The following CLIC4 variants were observed in gnomAD, a reference collection of about 807,000 sequenced individuals.
CLIC4 encodes the protein CLIC family member 4.
CLIC4 carries 13 observed loss-of-function variants against 24.6 expected under a neutral mutation model. That is an observed-to-expected ratio of 0.53 (90% CI 0.34 to 0.84). The LOEUF (loss-of-function observed/expected upper bound fraction) is 0.84, where lower values mean the gene tolerates loss of function less well. CLIC4 is among the 40% of genes least tolerant of loss of function. The probability of loss-of-function intolerance (pLI) is 0.01; values close to 1 mark genes in which losing one functional copy is unlikely to be tolerated. For missense variants in CLIC4, 227 were observed against 301.7 expected (o/e 0.75, Z 1.83); for synonymous variants, 104 against 111.3 (o/e 0.93, Z 0.41).
chr1:24,836,247 G>A (rs1333769415), intron 4 of CLIC4, among the ~76,000 whole-genome samples: 1 of 152,132 alleles, frequency 6.6e-6, no homozygotes, highest in African/African-American at 2.4e-5. Context: ...AAAAGAGACA[G>A]ATCAATCCAC....
At position 24,840,804 on chromosome 1, in the gene CLIC4, T is replaced by A; in HGVS notation, c.629T>A (p.Ile210Asn). The A allele has an allele frequency of 2.5e-6, 4 of 1,608,806 alleles. No individual in the cohort carries two copies. The highest frequency in any genetic ancestry group is 3.4e-6 in the Non-Finnish European group (4 of 1,177,838). The change falls in exon 6 of 6, where the codon ATT (isoleucine) becomes AAT (asparagine). Residue 210 changes from isoleucine to asparagine, a missense_variant. Ile to Asn is a moderately radical substitution (Grantham distance 149). Transcript: ENST00000374379. The stretch of plus-strand genomic sequence containing the variant: ...GCCAAAAAATATCGCAACTTTGATA[T>A]TCCAAAAGAAATGACTGGCATCTGG... ...VVAKKYRNFD[I>N]PKEMTGIWRY...
chr1:24,806,378 A>G (rs558668568), intron 2 of CLIC4, among the ~76,000 whole-genome samples: 1 of 152,316 alleles, frequency 6.6e-6, no homozygotes, highest in African/African-American at 2.4e-5. Context: ...TTGTCCATTT[A>G]TTTGAAGTCT....
chr1:24,764,274 A>G (rs1638964714), intron 1 of CLIC4, among the ~76,000 whole-genome samples: 1 of 151,870 alleles, frequency 6.6e-6, no homozygotes, highest in Non-Finnish European at 1.5e-5. Context: ...CTAATTTTGT[A>G]TTTTTAGTAG....
rs760003161 is a variant in CLIC4 at position 24,797,693 on chromosome 1, G to A, written c.73-49G>A. Reference sequence around the variant, plus strand: ...AATTCAGAAAAAGTTATGTCATGTTGAGTATCATCACTTTGACCTTGTTTT... The same window carrying A: ...AATTCAGAAAAAGTTATGTCATGTTAAGTATCATCACTTTGACCTTGTTTT... On this transcript the variant is annotated intron_variant, in intron 1 of 5. Coordinates refer to ENST00000374379, the MANE Select transcript of CLIC4 (RefSeq NM_013943.3). 7.7e-6 allele frequency: 10 copies of A among 1,290,846 alleles called. No homozygotes were observed. The South Asian group carries it at 1.2e-4, about 15-fold the overall frequency. The allele number at this position is 1,290,846 out of a possible 1,614,324, so 80.0% of individuals were successfully genotyped here.
intron 3 of CLIC4, among the ~76,000 whole-genome samples, chr1:24,821,571 G>C (rs1033065727): frequency 6.6e-6 from 1 of 152,072 alleles, no homozygotes; most frequent in African/African-American, 2.4e-5. Context: ...TTTAGAGACA[G>C]GGTCTCACTC....
chr1:24,813,964 A>T, intron 2 of CLIC4, 130 bp from the exon 3 acceptor site: 1 of 1,001,190 alleles, frequency 1.0e-6, no homozygotes, highest in African/African-American at 1.6e-5. Flanking sequence ...GCAGTGTCCC[A>T]CCTCAGCCTC....
At chr1:24,830,209 C>T (rs1242097389) in intron 4 of CLIC4, among the ~76,000 whole-genome samples, 1 of 152,162 alleles carries the variant, frequency 6.6e-6, no homozygotes, top group Non-Finnish European at 1.5e-5. Flanking sequence ...AATTGCCCCT[C>T]TTTAATCACA....
chr1:24,824,311 C>T (rs555437584), intron 3 of CLIC4, among the ~76,000 whole-genome samples: 3 of 152,244 alleles, frequency 2.0e-5, no homozygotes, highest in South Asian at 2.1e-4. Flanking sequence ...CTCTGTCACC[C>T]GGGCTGAGTG....
Position 24,810,466 on chromosome 1 carries a change from C to G in CLIC4, c.183-3628C>G, listed in dbSNP as rs563285413. Among the ~76,000 whole-genome samples, 4 of 152,256 alleles carry G rather than the reference C, an allele frequency of 2.6e-5. No individual in the cohort carries two copies. The South Asian group carries it at 8.3e-4, about 32-fold the overall frequency. On this transcript the variant is annotated intron_variant, in intron 2 of 5. Transcript: ENST00000374379. ...CCTCCCTGCATTTCCTGTAAATAAT[C>G]TCAGGACCCCTTTGTACTCTTAAAT...
chr1:24,822,896 A>G (rs1639749679), intron 3 of CLIC4, among the ~76,000 whole-genome samples: 1 of 152,106 alleles, frequency 6.6e-6, no homozygotes, highest in Non-Finnish European at 1.5e-5. Flanking sequence ...CTATTGTGCT[A>G]TATTGTTCTA....
At chr1:24,799,206 C>G (rs1441800393) in intron 2 of CLIC4, among the ~76,000 whole-genome samples, 1 of 150,956 alleles carries the variant, frequency 6.6e-6, no homozygotes, top group Non-Finnish European at 1.5e-5. Context: ...TGAGGAGCGG[C>G]GCCTCTTCCC....
At chr1:24,787,289 T>TTTCC (rs1639279218) in intron 1 of CLIC4, among the ~76,000 whole-genome samples, 1 of 151,958 alleles carries the variant, frequency 6.6e-6, no homozygotes, top group Non-Finnish European at 1.5e-5. Flanking sequence ...GGTCAGGAGT[T>TTTCC]TGAGACCAAC....
chr1:24,840,751 T>A (rs1459790583), intron 5 of CLIC4, 22 bp from the exon 6 acceptor site: 1 of 1,582,428 alleles, frequency 6.3e-7, no homozygotes, highest in Non-Finnish European at 8.6e-7. Context: ...GTCTGTTAAC[T>A]TTTGATCTCT....
chr1:24,766,527 G>A (rs202101039), intron 1 of CLIC4, among the ~76,000 whole-genome samples: 13 of 81,584 alleles, frequency 1.6e-4, no homozygotes, highest in African/African-American at 5.1e-4. Flanking sequence ...TTTTTGAGAC[G>A]GGGTCTCACT....
intron 1 of CLIC4, among the ~76,000 whole-genome samples, chr1:24,763,689 A>C (rs912723165): frequency 3.9e-5 from 6 of 152,140 alleles, no homozygotes; most frequent in African/African-American, 1.4e-4. Flanking sequence ...CTTTGTTTCC[A>C]TATGAGCTAT....
intron 1 of CLIC4, among the ~76,000 whole-genome samples, chr1:24,786,951 C>T (rs1639274943): frequency 1.3e-5 from 2 of 149,170 alleles, no homozygotes; most frequent in South Asian, 4.3e-4. Flanking sequence ...GATGGGGTCT[C>T]ACTCTGTCAC....
At chr1:24,751,895 A>G (rs1457381491) in intron 1 of CLIC4, among the ~76,000 whole-genome samples, 3 of 152,114 alleles carry the variant, frequency 2.0e-5, no homozygotes, top group South Asian at 2.1e-4. Context: ...ACAGAAAGTA[A>G]TCCCTTTGCG....
intron 1 of CLIC4, among the ~76,000 whole-genome samples, chr1:24,778,648 C>A (rs1259611333): frequency 6.6e-6 from 1 of 152,116 alleles, no homozygotes; most frequent in Non-Finnish European, 1.5e-5. Flanking sequence ...GATATTGCCT[C>A]CGGACAGTCA....
intron 4 of CLIC4, among the ~76,000 whole-genome samples, chr1:24,836,702 G>A (rs1177731308): frequency 6.6e-6 from 1 of 152,190 alleles, no homozygotes. Flanking sequence ...GACAGGTGCA[G>A]TGGCATGTGC....
Sources: allele counts gnomAD v4.1 joint callset (sites outside exome capture counted in the v4.1 genomes callset), GRCh38; gene constraint gnomAD v4.1.1; transcripts MANE v1.5; gene names NCBI Gene and HGNC (gene_info 2026-07-23, HGNC 2026-07-21).